The following PPFIA1 variants were observed in gnomAD, a reference collection of about 807,000 sequenced individuals.
The protein encoded by PPFIA1 is liprin-alpha-1.
PPFIA1 carries 25 observed loss-of-function variants against 149.9 expected under a neutral mutation model. That is an observed-to-expected ratio of 0.17 (90% CI 0.12 to 0.23). The LOEUF is 0.23. Ranked by LOEUF, PPFIA1 falls within the 10% of genes least tolerant of loss-of-function variation. PPFIA1 has a pLI of 1.00. For missense variants in PPFIA1, 1,362 were observed against 1,506.5 expected (o/e 0.90, Z 1.59); for synonymous variants, 549 against 552.8 (o/e 0.99, Z 0.10).
intron 2 of PPFIA1, among the ~76,000 whole-genome samples, chr11:70,289,828 G>T (rs1337781134): frequency 6.6e-6 from 1 of 152,230 alleles, no homozygotes; most frequent in African/African-American, 2.4e-5. Flanking sequence ...TGCAGTCCAA[G>T]CTACTTGAGA....
intron 2 of PPFIA1, among the ~76,000 whole-genome samples, chr11:70,276,888 A>G (rs979192830): frequency 6.6e-6 from 1 of 151,470 alleles, no homozygotes; most frequent in Non-Finnish European, 1.5e-5. Flanking sequence ...TTCATATATT[A>G]TCTCTTAATC....
At chr11:70,335,746 ATT>A (rs767516612) in intron 11 of PPFIA1, 52 bp downstream of exon 11, 8 of 1,602,386 alleles carry the variant, frequency 5.0e-6, no homozygotes, top group African/African-American at 1.3e-5. Context: ...CTGCCAAAAG[ATT>A]GCTCATCTGC....
Position 70,378,173 on chromosome 11 carries a change from G to A in PPFIA1, c.3528G>A (p.Gln1176=). ...VTSSMSSPSM[Q]PKKMQMDGNV... Reference sequence around the variant, plus strand: ...CTTCTATGTCTTCCCCCTCTATGCAGCCAAAGAAGATGCAGATGGACGGTA... The same window carrying A: ...CTTCTATGTCTTCCCCCTCTATGCAACCAAAGAAGATGCAGATGGACGGTA... The change falls in exon 26 of 28, where the codon CAG becomes CAA. Residue 1176 remains glutamine (Q), a synonymous_variant. Transcript: ENST00000253925. 6.2e-6 allele frequency: 10 copies of A among 1,614,042 alleles called. No individual in the cohort carries two copies. The highest frequency in any genetic ancestry group is 1.6e-4 in the Middle Eastern group (1 of 6,062).
chr11:70,320,715 G>T (rs1314668382), intron 2 of PPFIA1, among the ~76,000 whole-genome samples: 1 of 152,184 alleles, frequency 6.6e-6, no homozygotes, highest in Non-Finnish European at 1.5e-5. Flanking sequence ...GAGATTACAG[G>T]CAAGAGCCAC....
At chr11:70,282,572 A>G (rs1481171016) in intron 2 of PPFIA1, among the ~76,000 whole-genome samples, 8 of 115,640 alleles carry the variant, frequency 6.9e-5, no homozygotes, top group Non-Finnish European at 1.1e-4. Flanking sequence ...TCTGTCACCC[A>G]GGCTGGAGTG....
intron 16 of PPFIA1, among the ~76,000 whole-genome samples, chr11:70,353,960 T>C (rs891911801): frequency 6.6e-6 from 1 of 152,218 alleles, no homozygotes; most frequent in Non-Finnish European, 1.5e-5. Flanking sequence ...TTATCGGTGT[T>C]GTTCAGATCT....
At chr11:70,359,273 C>T (rs2056515794) in intron 19 of PPFIA1, among the ~76,000 whole-genome samples, 1 of 152,206 alleles carries the variant, frequency 6.6e-6, no homozygotes, top group Non-Finnish European at 1.5e-5. Flanking sequence ...CTCTGCCTCT[C>T]AAAGTGTTGG....
chr11:70,305,320 T>C (rs2052776258), intron 2 of PPFIA1, among the ~76,000 whole-genome samples: 1 of 152,176 alleles, frequency 6.6e-6, no homozygotes, highest in African/African-American at 2.4e-5. Flanking sequence ...TACAGTAACT[T>C]AGCATGCAAC....
chr11:70,281,924 G>A (rs1273632232), intron 2 of PPFIA1, among the ~76,000 whole-genome samples: 1 of 152,208 alleles, frequency 6.6e-6, no homozygotes, highest in African/African-American at 2.4e-5. Flanking sequence ...GCTGAAGCGG[G>A]CGTGCTCTCT....
intron 2 of PPFIA1, among the ~76,000 whole-genome samples, chr11:70,290,508 A>AATGTTTC (rs1378264921): frequency 1.3e-5 from 2 of 152,146 alleles, no homozygotes; most frequent in Non-Finnish European, 2.9e-5. Flanking sequence ...ATGTGGACAA[A>AATGTTTC]ATGTTTCCAC....
intron 2 of PPFIA1, among the ~76,000 whole-genome samples, chr11:70,296,740 AGGGAGAGAGG>A (rs1338632173): frequency 8.0e-5 from 4 of 49,920 alleles, no homozygotes; most frequent in African/African-American, 4.6e-4. Context: ...GGAGAGGGAG[AGGGAGAGAGG>A]GAGGGAGGGA....
At chr11:70,279,904 G>GCTGTGTGTGTGTGTGTGTGTGTGTGT (rs1565335096) in intron 2 of PPFIA1, among the ~76,000 whole-genome samples, 1 of 98,612 alleles carries the variant, frequency 1.0e-5, no homozygotes. Flanking sequence ...GTGTGTGGGG[G>GCTGTGTGTGTGTGTGTGTGTGTGTGT]ATGTGTGTGT....
chr11:70,291,186 G>A lies in PPFIA1; in HGVS notation c.264+18750G>A, dbSNP rs1346360728. ...CAGGCGTGAGCCACCACGCCCAGCC[G>A]ATCTCTTGAAATCTTAAGGTGCTGT... On this transcript the variant is annotated intron_variant, in intron 2 of 27. Transcript: ENST00000253925. Among the ~76,000 whole-genome samples the A allele has an allele frequency of 2.0e-5, 3 of 152,062 alleles. No individual in the cohort carries two copies. The South Asian group carries it at 6.2e-4, about 32-fold the overall frequency.
At chr11:70,295,422 G>A (rs2051871313) in intron 2 of PPFIA1, among the ~76,000 whole-genome samples, 1 of 145,112 alleles carries the variant, frequency 6.9e-6, no homozygotes, top group Non-Finnish European at 1.5e-5. Context: ...GGCTGGCCGG[G>A]CACAGGGGCT....
At chr11:70,292,673 G>A (rs1174046762) in intron 2 of PPFIA1, among the ~76,000 whole-genome samples, 1 of 152,150 alleles carries the variant, frequency 6.6e-6, no homozygotes, top group African/African-American at 2.4e-5. Flanking sequence ...ATAGGAATGA[G>A]CCCCCACTGA....
chr11:70,325,548 G>A lies in PPFIA1; in HGVS notation c.580G>A (p.Glu194Lys), dbSNP rs770794922. The change falls in exon 5 of 28, where the codon GAG becomes AAG. Residue 194 changes from glutamate (E) to lysine (K), a missense_variant. Coordinates refer to ENST00000253925, the MANE Select transcript of PPFIA1 (RefSeq NM_003626.5). ...ACTTGAAAGATGTAGTTTGTTAGAA[G>A]AGGAATTAGGTGCCACACACAAAGA... ...VALERCSLLE[E>K]ELGATHKELM... 6.3e-7 allele frequency: 1 copy of A among 1,589,656 alleles called. No individual in the cohort carries two copies. The highest frequency in any genetic ancestry group is 2.2e-5 in the East Asian group (1 of 44,716).
chr11:70,287,241 G>A (rs1157178220), intron 2 of PPFIA1, among the ~76,000 whole-genome samples: 3 of 152,098 alleles, frequency 2.0e-5, no homozygotes, highest in African/African-American at 7.2e-5. Context: ...AGACTCCTGT[G>A]TCATCACATC....
chr11:70,343,612 G>T, intron 14 of PPFIA1, 57 bp from the exon 15 acceptor site: 1 of 1,469,356 alleles, frequency 6.8e-7, no homozygotes. Context: ...ATAGATTTAT[G>T]TTTCTACAAC....
intron 21 of PPFIA1, among the ~76,000 whole-genome samples, chr11:70,363,698 G>C (rs1201252597): frequency 6.6e-6 from 1 of 151,890 alleles, no homozygotes; most frequent in East Asian, 1.9e-4. Context: ...AAACTTCTTA[G>C]AGACAGGGTC....
Sources: gnomAD v4.1 joint callset for allele counts (sites outside exome capture counted in the v4.1 genomes callset) on GRCh38, gnomAD v4.1.1 for gene constraint, MANE v1.5 for transcripts, NCBI Gene and HGNC (gene_info 2026-07-23, HGNC 2026-07-21) for gene names.